Variants in SPSB4 observed in about 807,000 individuals in gnomAD.
SPSB4 encodes the protein SPRY domain-containing SOCS box protein 4.
SPSB4 carries 21 observed loss-of-function variants against 20.9 expected under a neutral mutation model. That is an observed-to-expected ratio of 1.01 (90% confidence interval 0.71 to 1.45). SPSB4 has a LOEUF of 1.45. Ranked by LOEUF, SPSB4 falls within the 40% of genes most tolerant of loss-of-function variation. The pLI is 0.00. For missense variants in SPSB4, 399 were observed against 399.2 expected (o/e 1.00, Z 0.00); for synonymous variants, 207 against 183.8 (o/e 1.13, Z -1.02).
intron 2 of SPSB4, among the ~76,000 whole-genome samples, chr3:141,140,411 G>A (rs990255188): frequency 1.3e-5 from 2 of 152,180 alleles, no homozygotes; most frequent in African/African-American, 4.8e-5. Flanking sequence ...GGCGCTCTGA[G>A]TTTTAGAGTT....
chr3:141,085,187 C>A (rs1938316556), intron 2 of SPSB4, among the ~76,000 whole-genome samples: 1 of 152,110 alleles, frequency 6.6e-6, no homozygotes, highest in Non-Finnish European at 1.5e-5. Context: ...GATTCAGGGA[C>A]CTGCAAGTTG....
intron 2 of SPSB4, among the ~76,000 whole-genome samples, chr3:141,088,192 G>T (rs1938386801): frequency 6.6e-6 from 1 of 152,196 alleles, no homozygotes. Context: ...TGCAGAAGCT[G>T]TTAGTGCTGG....
chr3:141,079,049 C>T (rs1264110633), intron 2 of SPSB4, among the ~76,000 whole-genome samples: 1 of 152,154 alleles, frequency 6.6e-6, no homozygotes, highest in Non-Finnish European at 1.5e-5. Context: ...ATCACAAGGT[C>T]AGGAGATTGA....
intron 2 of SPSB4, among the ~76,000 whole-genome samples, chr3:141,128,394 T>G (rs1242379964): frequency 3.3e-5 from 5 of 151,966 alleles, no homozygotes; most frequent in Non-Finnish European, 5.9e-5. Context: ...GGGCCAGTGG[T>G]CAGTGGATGA....
At chr3:141,141,019 C>A (rs887607197) in intron 2 of SPSB4, among the ~76,000 whole-genome samples, 1 of 152,230 alleles carries the variant, frequency 6.6e-6, no homozygotes, top group East Asian at 1.9e-4. Context: ...CCTACTCAAG[C>A]CTGAGCAATG....
chr3:141,137,907 T>G (rs531302243), intron 2 of SPSB4, among the ~76,000 whole-genome samples: 2 of 152,318 alleles, frequency 1.3e-5, no homozygotes, highest in African/African-American at 4.8e-5. Flanking sequence ...TCAGAAGGAA[T>G]GGTACCAGCT....
chr3:141,054,328 ATATGTACTATATAAGTACATAG>A, intron 1 of SPSB4, among the ~76,000 whole-genome samples: 1 of 152,312 alleles, frequency 6.6e-6, no homozygotes, highest in South Asian at 2.1e-4. Context: ...CTCTGCCTAT[ATATGTACTATATAAGTACATAG>A]TATGTACTCT....
At chr3:141,132,262 G>A (rs758234955) in intron 2 of SPSB4, 2 of 409,422 alleles carry the variant, frequency 4.9e-6, no homozygotes, top group Non-Finnish European at 9.6e-6. Context: ...CCGCCTCCCG[G>A]GTTCAAGCTA....
Position 141,123,817 on chromosome 3 carries a change from C to G in SPSB4, c.695-23325C>G, listed in dbSNP as rs150450907. ...GGGTGCATGCCAACCCAGAGGCACC[C>G]CCACCTGACACTCTCCCCATGTGAC... On this transcript the variant is annotated intron_variant, in intron 2 of 2. Coordinates refer to ENST00000310546, the MANE Select transcript of SPSB4 (RefSeq NM_080862.3). Among the ~76,000 whole-genome samples the G allele has an allele frequency of 3.3e-5, 5 of 152,338 alleles. No individual in the cohort carries two copies. The South Asian group carries it at 1.0e-3, about 32-fold the overall frequency.
At chr3:141,124,962 G>C (rs1019021761) in intron 2 of SPSB4, among the ~76,000 whole-genome samples, 2 of 152,170 alleles carry the variant, frequency 1.3e-5, no homozygotes, top group Admixed American at 6.5e-5. Context: ...CACAGATCAC[G>C]TAGCCAGGCT....
chr3:141,061,035 C>T (rs1397686222), intron 1 of SPSB4, among the ~76,000 whole-genome samples: 5 of 152,116 alleles, frequency 3.3e-5, no homozygotes, highest in Admixed American at 2.6e-4. Flanking sequence ...TTTACAAGTG[C>T]TTTCAGCTAC....
intron 2 of SPSB4, among the ~76,000 whole-genome samples, chr3:141,145,974 A>C (rs1330651540): frequency 1.3e-5 from 2 of 152,158 alleles, no homozygotes; most frequent in Admixed American, 6.5e-5. Flanking sequence ...CTTCTATATA[A>C]GAAATTCCCA....
chr3:141,090,294 G>A (rs540500326), intron 2 of SPSB4, among the ~76,000 whole-genome samples: 15 of 152,252 alleles, frequency 9.9e-5, no homozygotes, highest in South Asian at 2.1e-4. Context: ...GGGACAAAAC[G>A]GACAAAAGTC....
In SPSB4 at chr3:141,060,072, GCTGT is replaced by G. The variant is rs540275711; in HGVS notation, c.-153-5877_-153-5874del. ...CCTGTACTGGGGGAGCAGCAAAGGGGCTGTCTATTTACTTGCCCACCTTGTCACA... is the reference window on the plus strand; with the variant it reads ...CCTGTACTGGGGGAGCAGCAAAGGGGCTATTTACTTGCCCACCTTGTCACA... On this transcript the variant is annotated intron_variant, in intron 1 of 2. Transcript: ENST00000310546. Among the ~76,000 whole-genome samples, 82 of 152,176 alleles carry G rather than the reference GCTGT, an allele frequency of 5.4e-4. 1 individual carries two copies. The highest frequency in any genetic ancestry group is 5.4e-4 in the Non-Finnish European group (37 of 68,036).
chr3:141,067,754 C>T (rs904473158), intron 2 of SPSB4, among the ~76,000 whole-genome samples: 2 of 152,206 alleles, frequency 1.3e-5, no homozygotes, highest in Non-Finnish European at 2.9e-5. Context: ...AGGAGCCAGG[C>T]ACTTGTGGGC....
intron 2 of SPSB4, among the ~76,000 whole-genome samples, chr3:141,140,549 A>G (rs1013342857): frequency 6.6e-6 from 1 of 152,218 alleles, no homozygotes; most frequent in African/African-American, 2.4e-5. Context: ...TCCTTCTAAC[A>G]GACAGGACCC....
At chr3:141,147,090 A>G (rs1342824297) in intron 2 of SPSB4, 52 bp from the exon 3 acceptor site, 8 of 1,604,404 alleles carry the variant, frequency 5.0e-6, no homozygotes, top group African/African-American at 1.3e-5. Context: ...CTGGGATGAG[A>G]AGGTGCCAGG....
chr3:141,056,513 C>T (rs975639109), intron 1 of SPSB4, among the ~76,000 whole-genome samples: 1 of 152,240 alleles, frequency 6.6e-6, no homozygotes, highest in Non-Finnish European at 1.5e-5. Flanking sequence ...CAGCAGGTCC[C>T]TATTATGACC....
At chr3:141,067,905 G>A (rs1937922075) in intron 2 of SPSB4, among the ~76,000 whole-genome samples, 1 of 152,330 alleles carries the variant, frequency 6.6e-6, no homozygotes, top group Non-Finnish European at 1.5e-5. Flanking sequence ...CAGCCCCTGA[G>A]GCAGATCCTC....
Sources: allele counts gnomAD v4.1 joint callset (sites outside exome capture counted in the v4.1 genomes callset), GRCh38; gene constraint gnomAD v4.1.1; transcripts MANE v1.5; gene names NCBI Gene and HGNC (gene_info 2026-07-23, HGNC 2026-07-21).